Variants in GLG1 observed in about 807,000 individuals in gnomAD.
The protein encoded by GLG1 is Golgi apparatus protein 1.
In GLG1, 38 loss-of-function variants were observed where a neutral mutation model predicts 160.5. The observed-to-expected ratio is 0.24, with a 90% CI of 0.18 to 0.31. The LOEUF is 0.31. Ranked by LOEUF, GLG1 falls within the 10% of genes least tolerant of loss-of-function variation. The pLI is 1.00. For missense variants in GLG1, 1,373 were observed against 1,505.2 expected, an observed-to-expected ratio of 0.91 and a Z score of 1.45; for synonymous variants, 644 against 543.4, an observed-to-expected ratio of 1.19 and a Z score of -2.57.
At chr16:74,570,606 T>C (rs2018797168) in intron 1 of GLG1, among the ~76,000 whole-genome samples, 1 of 152,104 alleles carries the variant, frequency 6.6e-6, no homozygotes, top group South Asian at 2.1e-4. Context: ...CATCAACAGA[T>C]GGAGTCAGGC....
intron 9 of GLG1, among the ~76,000 whole-genome samples, chr16:74,483,360 G>A (rs1326819802): frequency 6.6e-6 from 1 of 152,204 alleles, no homozygotes; most frequent in East Asian, 1.9e-4. Flanking sequence ...TGCAGCTGCT[G>A]TATTTTTAAC....
rs1167525447 is a variant in GLG1 at position 74,451,853 on chromosome 16, G to T, written c.*1314C>A. ...TGGCCAAGAATATTGCTTCTATAAAGCCCATATTCTGCAAAGGTTGATGAA... is the reference window on the plus strand; with the variant it reads ...TGGCCAAGAATATTGCTTCTATAAATCCCATATTCTGCAAAGGTTGATGAA... On this transcript the variant is annotated 3_prime_UTR_variant, in exon 26 of 26. Transcript: ENST00000422840. 3.7e-6 allele frequency: 2 copies of T among 543,768 alleles called. No homozygotes were observed. The highest frequency in any genetic ancestry group is 6.7e-6 in the Non-Finnish European group (2 of 299,792). The allele number at this position is 543,768 out of a possible 1,614,324, so 33.7% of individuals were successfully genotyped here. A position where few individuals can be genotyped will look rare whatever the true frequency, so the allele number is the denominator to read the frequency against.
intron 1 of GLG1, among the ~76,000 whole-genome samples, chr16:74,537,411 C>A (rs577443784): frequency 6.6e-6 from 1 of 151,876 alleles, no homozygotes; most frequent in East Asian, 1.9e-4. Context: ...AACCCTGCCA[C>A]TTTTCTATAG....
chr16:74,472,633 G>A, intron 13 of GLG1: 1 of 1,334,936 alleles, frequency 7.5e-7, no homozygotes. Flanking sequence ...TTCCCTTTCG[G>A]CCTGAACAAA....
At chr16:74,567,194 G>T (rs1166617670) in intron 1 of GLG1, among the ~76,000 whole-genome samples, 1 of 149,532 alleles carries the variant, frequency 6.7e-6, no homozygotes, top group South Asian at 2.2e-4. Context: ...GGGGTGTAGG[G>T]AGCGGGGAGA....
intron 1 of GLG1, among the ~76,000 whole-genome samples, chr16:74,552,993 C>A (rs189758204): frequency 5.2e-4 from 79 of 152,100 alleles, no homozygotes; most frequent in African/African-American, 1.8e-3. Context: ...CAGAGGCGAG[C>A]GGATCACTTG....
intron 25 of GLG1, among the ~76,000 whole-genome samples, chr16:74,455,258 C>T (rs1006519002): frequency 1.3e-4 from 20 of 152,174 alleles, no homozygotes; most frequent in African/African-American, 4.6e-4. Context: ...CCCAGCCTGG[C>T]TGCTGAGATG....
At chr16:74,531,127 C>A (rs2017518159) in intron 2 of GLG1, among the ~76,000 whole-genome samples, 1 of 152,144 alleles carries the variant, frequency 6.6e-6, no homozygotes, top group Non-Finnish European at 1.5e-5. Flanking sequence ...TCCCTCTAAT[C>A]TTCTAGTATT....
At chr16:74,491,536 C>T (rs1305599471) in intron 7 of GLG1, among the ~76,000 whole-genome samples, 1 of 152,058 alleles carries the variant, frequency 6.6e-6, no homozygotes, top group Non-Finnish European at 1.5e-5. Context: ...GAACAATCTC[C>T]ATTGGCCTAC....
At chr16:74,595,091 G>A (rs961488423) in intron 1 of GLG1, among the ~76,000 whole-genome samples, 5 of 151,950 alleles carry the variant, frequency 3.3e-5, no homozygotes, top group Non-Finnish European at 5.9e-5. Flanking sequence ...AGGAGGCTGA[G>A]GCAGGAGAAC....
intron 2 of GLG1, among the ~76,000 whole-genome samples, chr16:74,519,668 T>C (rs1341034555): frequency 2.6e-5 from 4 of 152,138 alleles, no homozygotes; most frequent in South Asian, 2.1e-4. Flanking sequence ...AACGGTTCTA[T>C]AAAGTTAGTT....
intron 1 of GLG1, among the ~76,000 whole-genome samples, chr16:74,569,678 A>C (rs978046329): frequency 2.0e-5 from 3 of 152,104 alleles, no homozygotes; most frequent in Non-Finnish European, 4.4e-5. Flanking sequence ...CCTGGCCAAC[A>C]TGGTGAAACC....
chr16:74,543,843 C>T (rs2017970862), intron 1 of GLG1, among the ~76,000 whole-genome samples: 1 of 152,004 alleles, frequency 6.6e-6, no homozygotes, highest in African/African-American at 2.4e-5. Context: ...TCCACCTGAG[C>T]CAGTGATCAC....
intron 1 of GLG1, among the ~76,000 whole-genome samples, chr16:74,562,917 A>C (rs1353315255): frequency 6.6e-6 from 1 of 152,190 alleles, no homozygotes; most frequent in Non-Finnish European, 1.5e-5. Context: ...GGGGCCTCAA[A>C]CACTGGGTCA....
intron 13 of GLG1, among the ~76,000 whole-genome samples, chr16:74,473,673 C>G (rs942763706): frequency 6.6e-6 from 1 of 151,998 alleles, no homozygotes; most frequent in Non-Finnish European, 1.5e-5. Context: ...ATCTCCTGAC[C>G]TTGTGATCCG....
intron 11 of GLG1, among the ~76,000 whole-genome samples, chr16:74,478,013 T>TAAAAAAAA (rs1555508283): frequency 5.3e-5 from 8 of 150,406 alleles, no homozygotes; most frequent in Admixed American, 3.3e-4. Flanking sequence ...AATAAATAAA[T>TAAAAAAAA]AAAATGTGCA....
intron 11 of GLG1, among the ~76,000 whole-genome samples, chr16:74,480,009 G>GT (rs1338614706): frequency 6.6e-6 from 1 of 151,952 alleles, no homozygotes; most frequent in Non-Finnish European, 1.5e-5. Flanking sequence ...AAAAAATCTG[G>GT]AAATCTTCCC....
At chr16:74,530,096 GC>G (rs2017484371) in intron 2 of GLG1, among the ~76,000 whole-genome samples, 1 of 151,902 alleles carries the variant, frequency 6.6e-6, no homozygotes, top group African/African-American at 2.4e-5. Context: ...GGACTACTGC[GC>G]CCGGCTGGCT....
At chr16:74,517,483 T>C (rs779530323) in intron 2 of GLG1, among the ~76,000 whole-genome samples, 3 of 152,310 alleles carry the variant, frequency 2.0e-5, no homozygotes, top group Non-Finnish European at 1.5e-5. Flanking sequence ...GAAAAGGCCT[T>C]TGACAAACTT....
Sources: gnomAD v4.1 joint callset for allele counts (sites outside exome capture counted in the v4.1 genomes callset) on GRCh38, gnomAD v4.1.1 for gene constraint, MANE v1.5 for transcripts, NCBI Gene and HGNC (gene_info 2026-07-23, HGNC 2026-07-21) for gene names.